The following CERT1 variants were observed in gnomAD, a reference collection of about 807,000 sequenced individuals.
CERT1 encodes the protein ceramide transporter 1, also known as ceramide transfer protein.
A neutral mutation model predicts 87.9 loss-of-function variants in CERT1; 31 were observed. That is an observed-to-expected ratio of 0.35 (90% CI 0.27 to 0.48). The LOEUF (loss-of-function observed/expected upper bound fraction) is 0.48, where lower values mean the gene tolerates loss of function less well. Among genes scored for constraint, CERT1 ranks in the 20% least tolerant of loss-of-function variants. CERT1 has a pLI of 0.99. For synonymous variants in CERT1, 289 were observed against 250.9 expected, an observed-to-expected ratio of 1.15 and a Z score of -1.44; for missense variants, 487 against 758.0, an observed-to-expected ratio of 0.64 and a Z score of 4.20.
At position 75,388,638 on chromosome 5, in the gene CERT1, A is replaced by ATATATATC. The variant is rs1554034746; in HGVS notation, c.1284+953_1284+954insGATATATA. Among the ~76,000 whole-genome samples the ATATATATC allele has an allele frequency of 8.4e-5, 9 of 107,570 alleles. No individual in the cohort carries two copies. The East Asian group carries it at 2.0e-3, about 23-fold the overall frequency. The allele number at this position is 107,570 out of a possible 152,430, so 70.6% of individuals were successfully genotyped here. ...TATATATATATATATATATATATAT[A>ATATATATC]TATCTCACACAGGGTCTCACTTTGT... is the stretch of plus-strand genomic sequence containing the variant. On this transcript the variant is annotated intron_variant, in intron 12 of 16. Transcript: ENST00000643780.
At chr5:75,433,564 A>C (rs560073088) in intron 3 of CERT1, among the ~76,000 whole-genome samples, 15 of 152,304 alleles carry the variant, frequency 9.8e-5, no homozygotes, top group Middle Eastern at 3.4e-3. Context: ...GCTGTCACCC[A>C]GGCTGGAGTG....
At position 75,382,090 on chromosome 5, in the gene CERT1, A is replaced by G. The variant is rs773703856; in HGVS notation, c.1489-13T>C. The G allele has an allele frequency of 1.2e-6, 2 of 1,606,742 alleles. No homozygotes were observed. The highest frequency in any genetic ancestry group is 2.7e-5 in the African/African-American group (2 of 74,434). On this transcript the variant is annotated splice_polypyrimidine_tract_variant and intron_variant, in intron 14 of 16. Coordinates refer to ENST00000643780, the MANE Select transcript of CERT1 (RefSeq NM_001379029.1). ...CAGGCCACACCCTCTGTGGAGAAGTAAAAATCTTTTGAAAAACAGATCTAA... is the reference window on the plus strand; with the variant it reads ...CAGGCCACACCCTCTGTGGAGAAGTGAAAATCTTTTGAAAAACAGATCTAA...
intron 2 of CERT1, among the ~76,000 whole-genome samples, chr5:75,503,604 T>C (rs1767484753): frequency 6.6e-6 from 1 of 151,930 alleles, no homozygotes; most frequent in Admixed American, 6.5e-5. Context: ...TTTCCTATCA[T>C]CCATTTCATT....
chr5:75,374,599 A>G, downstream of CERT1: 3 of 692,862 alleles, frequency 4.3e-6, no homozygotes, highest in Non-Finnish European at 8.0e-6. Context: ...AACACAGTGA[A>G]GGTCGCAGCA....
chr5:75,404,966 A>C (rs1762645953), intron 8 of CERT1, among the ~76,000 whole-genome samples: 2 of 152,138 alleles, frequency 1.3e-5, no homozygotes, highest in Admixed American at 6.6e-5. Context: ...CAGTGAGCCA[A>C]GATCGCACCA....
chr5:75,434,426 A>G (rs547572799), intron 3 of CERT1, among the ~76,000 whole-genome samples: 1 of 152,118 alleles, frequency 6.6e-6, no homozygotes, highest in East Asian at 1.9e-4. Flanking sequence ...TTTGCATCTC[A>G]GTTTATCAGG....
intron 2 of CERT1, 83 bp downstream of exon 2, chr5:75,505,899 G>A: frequency 9.8e-7 from 1 of 1,017,932 alleles, no homozygotes; most frequent in South Asian, 1.5e-5. Flanking sequence ...ATCCACGGAT[G>A]TATCCTGAAC....
intron 12 of CERT1, among the ~76,000 whole-genome samples, chr5:75,387,813 G>A (rs1761860705): frequency 6.6e-6 from 1 of 151,936 alleles, no homozygotes; most frequent in Non-Finnish European, 1.5e-5. Flanking sequence ...AATTGTTATA[G>A]ACAACGATTG....
chr5:75,390,990 C>T (rs957598600), intron 11 of CERT1, among the ~76,000 whole-genome samples: 1 of 151,166 alleles, frequency 6.6e-6, no homozygotes, highest in Non-Finnish European at 1.5e-5. Flanking sequence ...TTAAGAGACA[C>T]GGTCTCACTT....
intron 8 of CERT1, chr5:75,410,698 T>C (rs1016978466): frequency 2.5e-5 from 4 of 157,602 alleles, no homozygotes; most frequent in Non-Finnish European, 1.3e-5. Context: ...AGTTTGCTTT[T>C]ATGTTAAAAA....
chr5:75,434,785 G>A (rs942929275), intron 3 of CERT1, among the ~76,000 whole-genome samples: 1 of 151,956 alleles, frequency 6.6e-6, no homozygotes, highest in Non-Finnish European at 1.5e-5. Flanking sequence ...TGTGCACAGA[G>A]GTTTTTAATC....
At chr5:75,490,063 G>C (rs564444513) in intron 2 of CERT1, among the ~76,000 whole-genome samples, 27 of 152,128 alleles carry the variant, frequency 1.8e-4, no homozygotes, top group Non-Finnish European at 3.2e-4. Flanking sequence ...GGATGAACGT[G>C]GAAACCATCA....
At chr5:75,484,533 C>T (rs112262608) in intron 2 of CERT1, among the ~76,000 whole-genome samples, 1 of 147,200 alleles carries the variant, frequency 6.8e-6, no homozygotes, top group African/African-American at 2.5e-5. Flanking sequence ...AAGACACAGA[C>T]TGAAAATAAA....
intron 2 of CERT1, among the ~76,000 whole-genome samples, chr5:75,485,034 CAAT>C (rs2112405030): frequency 6.6e-6 from 1 of 152,044 alleles, no homozygotes; most frequent in Non-Finnish European, 1.5e-5. Flanking sequence ...GACCACAATG[CAAT>C]AATACTACAA....
At chr5:75,476,831 C>T (rs917065205) in intron 2 of CERT1, among the ~76,000 whole-genome samples, 1 of 151,978 alleles carries the variant, frequency 6.6e-6, no homozygotes, top group South Asian at 2.1e-4. Context: ...AAAACTGATG[C>T]CTTGTTCTGC....
chr5:75,494,953 G>A (rs1766986760), intron 2 of CERT1, among the ~76,000 whole-genome samples: 1 of 152,180 alleles, frequency 6.6e-6, no homozygotes, highest in Non-Finnish European at 1.5e-5. Flanking sequence ...CACAACAGGA[G>A]ACAACCTTAC....
intron 2 of CERT1, among the ~76,000 whole-genome samples, chr5:75,483,988 A>G (rs1252757697): frequency 6.6e-6 from 1 of 152,198 alleles, no homozygotes; most frequent in Non-Finnish European, 1.5e-5. Flanking sequence ...AGTAAGACTA[A>G]AAGATGAACC....
intron 9 of CERT1, chr5:75,400,651 G>A (rs1762432643): frequency 5.5e-6 from 1 of 182,374 alleles, no homozygotes; most frequent in African/African-American, 2.4e-5. Flanking sequence ...TCATTCCAAT[G>A]ATTCTACCTT....
At chr5:75,444,212 C>T (rs1272525355) in intron 3 of CERT1, among the ~76,000 whole-genome samples, 1 of 151,966 alleles carries the variant, frequency 6.6e-6, no homozygotes, top group Non-Finnish European at 1.5e-5. Context: ...CCCGCCACTG[C>T]GCTCAGCTAA....
Sources: allele counts gnomAD v4.1 joint callset (sites outside exome capture counted in the v4.1 genomes callset), GRCh38; gene constraint gnomAD v4.1.1; transcripts MANE v1.5; gene names NCBI Gene and HGNC (gene_info 2026-07-23, HGNC 2026-07-21).